The following CSMD3 variants were observed in gnomAD, a reference collection of about 807,000 sequenced individuals.
CSMD3 encodes CUB and sushi domain-containing protein 3.
A neutral mutation model predicts 435.2 loss-of-function variants in CSMD3; 177 were observed. The ratio of observed to expected loss-of-function variants is 0.41; its 90% CI spans 0.36 to 0.46. The LOEUF (loss-of-function observed/expected upper bound fraction) is 0.46, where lower values mean the gene tolerates loss of function less well. Among genes scored for constraint, CSMD3 ranks in the 20% least tolerant of loss-of-function variants. The pLI is 0.34. For missense variants in CSMD3, 4,265 were observed against 4,504.6 expected, an observed-to-expected ratio of 0.95 and a Z score of 1.52; for synonymous variants, 1,656 against 1,520.5, an observed-to-expected ratio of 1.09 and a Z score of -2.07.
At chr8:113,428,325 G>A (rs1338078269) in intron 1 of CSMD3, among the ~76,000 whole-genome samples, 1 of 151,352 alleles carries the variant, frequency 6.6e-6, no homozygotes, top group African/African-American at 2.4e-5. Flanking sequence ...GGGCCTCAAT[G>A]TTTCTCTTAA....
intron 11 of CSMD3, among the ~76,000 whole-genome samples, chr8:112,837,455 T>TA (rs989571263): frequency 2.0e-5 from 3 of 151,434 alleles, no homozygotes; most frequent in South Asian, 4.2e-4. Context: ...CCCATTTCTC[T>TA]AAAAAAAAGT....
At chr8:113,395,450 A>G (rs1369953894) in intron 1 of CSMD3, among the ~76,000 whole-genome samples, 1 of 151,930 alleles carries the variant, frequency 6.6e-6, no homozygotes, top group Non-Finnish European at 1.5e-5. Flanking sequence ...CTACTAAAAA[A>G]TGCAAAAAAT....
intron 12 of CSMD3, among the ~76,000 whole-genome samples, chr8:112,827,492 G>A (rs931182859): frequency 2.6e-5 from 4 of 151,752 alleles, no homozygotes; most frequent in African/African-American, 9.7e-5. Context: ...CTGTCTTAAG[G>A]AGAAAAAGGA....
chr8:112,983,742 T>C (rs1346932538), intron 6 of CSMD3, among the ~76,000 whole-genome samples: 5 of 151,864 alleles, frequency 3.3e-5, no homozygotes, highest in African/African-American at 1.2e-4. Context: ...CTGATCCATA[T>C]GATTGTTAAA....
At chr8:112,474,043 T>C (rs906140039) in intron 31 of CSMD3, among the ~76,000 whole-genome samples, 2 of 152,156 alleles carry the variant, frequency 1.3e-5, no homozygotes, top group African/African-American at 4.8e-5. Flanking sequence ...GAGTACAATT[T>C]ATTATTCCCC....
chr8:113,120,139 G>A (rs183970774), intron 4 of CSMD3, among the ~76,000 whole-genome samples: 2 of 152,052 alleles, frequency 1.3e-5, no homozygotes, highest in Non-Finnish European at 2.9e-5. Context: ...AAGAAATGAG[G>A]TTATAATGAA....
intron 1 of CSMD3, among the ~76,000 whole-genome samples, chr8:113,400,621 T>A (rs182082140): frequency 3.3e-5 from 5 of 151,974 alleles, no homozygotes; most frequent in Admixed American, 3.3e-4. Context: ...AGAAGAGATG[T>A]GAATGGATTG....
chr8:113,271,956 C>T (rs531532376), intron 3 of CSMD3, among the ~76,000 whole-genome samples: 3 of 152,114 alleles, frequency 2.0e-5, no homozygotes, highest in Non-Finnish European at 2.9e-5. Context: ...TGGAGTCAAA[C>T]GAGATCATTT....
At chr8:113,410,946 A>AAAGG (rs780296226) in intron 1 of CSMD3, among the ~76,000 whole-genome samples, 5 of 140,908 alleles carry the variant, frequency 3.5e-5, no homozygotes, top group African/African-American at 1.3e-4. Context: ...AGAAAGAAAG[A>AAAGG]AAGAAAGAGA....
chr8:113,368,458 C>T (rs923272524), intron 1 of CSMD3, among the ~76,000 whole-genome samples: 26 of 152,164 alleles, frequency 1.7e-4, no homozygotes, highest in African/African-American at 5.1e-4. Context: ...TGAGTGTGTA[C>T]GTCTTCTATA....
intron 1 of CSMD3, among the ~76,000 whole-genome samples, chr8:113,325,824 A>G (rs1447531149): frequency 6.6e-6 from 1 of 152,076 alleles, no homozygotes; most frequent in Non-Finnish European, 1.5e-5. Context: ...TGTAGATCTT[A>G]GCCTCAGATT....
chr8:112,586,182 T>C (rs1830712329), intron 23 of CSMD3, among the ~76,000 whole-genome samples: 1 of 151,420 alleles, frequency 6.6e-6, no homozygotes, highest in South Asian at 2.1e-4. Context: ...TTAAAATCAA[T>C]CATTAAAAAA....
At chr8:112,914,937 T>C (rs1302085348) in intron 10 of CSMD3, among the ~76,000 whole-genome samples, 2 of 151,898 alleles carry the variant, frequency 1.3e-5, no homozygotes, top group African/African-American at 4.8e-5. Flanking sequence ...ATTTAAGTTT[T>C]CCAACTTTTT....
Position 112,573,511 on chromosome 8 carries a change from A to G in CSMD3, c.4032T>C (p.Leu1344=). The G allele has an allele frequency of 6.2e-7, 1 of 1,613,240 alleles. No individual in the cohort carries two copies. The highest frequency in any genetic ancestry group is 8.5e-7 in the Non-Finnish European group (1 of 1,179,348). ...TTCTAAAATACTTACTGGTATACAC[A>G]AGTTGAAAGCCTTCATCTGTCCCTT... ...DTEGTDEGFQ[L]VYTSFELSHC... Residue 1344 remains leucine, a synonymous_variant, in exon 24 of 71, where the codon CTT becomes CTC. Transcript: ENST00000297405.
chr8:112,747,840 A>G (rs1389895417), intron 13 of CSMD3, among the ~76,000 whole-genome samples: 3 of 151,716 alleles, frequency 2.0e-5, no homozygotes, highest in East Asian at 1.9e-4. Context: ...GCGGGCGCCT[A>G]TAGTCCCAGC....
At chr8:112,821,032 T>C (rs1166710587) in intron 12 of CSMD3, among the ~76,000 whole-genome samples, 1 of 152,188 alleles carries the variant, frequency 6.6e-6, no homozygotes. Context: ...ATGTACCATA[T>C]TTTCTTTATC....
intron 23 of CSMD3, among the ~76,000 whole-genome samples, chr8:112,586,467 A>G (rs1830737977): frequency 1.3e-5 from 2 of 151,536 alleles, no homozygotes; most frequent in Admixed American, 1.3e-4. Flanking sequence ...CTTTTTAGAA[A>G]AGTAGATATT....
At chr8:113,227,047 G>C (rs2093036421) in intron 3 of CSMD3, among the ~76,000 whole-genome samples, 1 of 151,338 alleles carries the variant, frequency 6.6e-6, no homozygotes, top group Non-Finnish European at 1.5e-5. Context: ...GTACAGATTG[G>C]GTTTTAAAAT....
intron 1 of CSMD3, among the ~76,000 whole-genome samples, chr8:113,416,606 A>G (rs146300480): frequency 6.6e-6 from 1 of 152,186 alleles, no homozygotes; most frequent in African/African-American, 2.4e-5. Flanking sequence ...AGTGCTCTTG[A>G]AGCAACAGGA....
Sources: gnomAD v4.1 joint callset for allele counts (sites outside exome capture counted in the v4.1 genomes callset) on GRCh38, gnomAD v4.1.1 for gene constraint, MANE v1.5 for transcripts, NCBI Gene and HGNC (gene_info 2026-07-23, HGNC 2026-07-21) for gene names.